Variants in PIGU observed in about 807,000 individuals in gnomAD.
The protein encoded by PIGU is phosphatidylinositol glycan anchor biosynthesis class U.
In PIGU, 24 loss-of-function variants were observed where a neutral mutation model predicts 49.9. The observed-to-expected ratio is 0.48, with a 90% CI of 0.35 to 0.68. The LOEUF is 0.68. PIGU is among the 30% of genes least tolerant of loss of function. The probability of loss-of-function intolerance (pLI) is 0.01; values close to 1 mark genes in which losing one functional copy is unlikely to be tolerated. For synonymous variants in PIGU, 220 were observed against 205.7 expected, an observed-to-expected ratio of 1.07 and a Z score of -0.59; for missense variants, 490 against 532.6, an observed-to-expected ratio of 0.92 and a Z score of 0.79.
intron 6 of PIGU, among the ~76,000 whole-genome samples, chr20:34,628,790 G>T (rs1488993448): frequency 6.6e-6 from 1 of 152,192 alleles, no homozygotes; most frequent in Non-Finnish European, 1.5e-5. Context: ...GGCAGAGGTT[G>T]CAATGAACTG....
At chr20:34,668,490 G>GT (rs1203487113) in intron 1 of PIGU, among the ~76,000 whole-genome samples, 1 of 139,096 alleles carries the variant, frequency 7.2e-6, no homozygotes, top group Non-Finnish European at 1.5e-5. Context: ...AAAAGGGGGG[G>GT]GCGGGCGTGC....
chr20:34,612,630 T>G (rs918545777), intron 7 of PIGU, among the ~76,000 whole-genome samples: 1 of 151,366 alleles, frequency 6.6e-6, no homozygotes, highest in Admixed American at 6.6e-5. Context: ...TTTTTTTTTT[T>G]TTTCTTTTTT....
intron 11 of PIGU, among the ~76,000 whole-genome samples, chr20:34,570,801 A>C (rs564374463): frequency 6.6e-6 from 1 of 152,340 alleles, no homozygotes; most frequent in East Asian, 1.9e-4. Context: ...TCTTTTAAAA[A>C]AGCTAAATTT....
intron 11 of PIGU, 27 bp from the exon 12 acceptor site, chr20:34,561,006 G>A (rs749476029): frequency 1.8e-5 from 27 of 1,506,556 alleles, no homozygotes; most frequent in Middle Eastern, 1.7e-4. Context: ...GGTGTGAGGC[G>A]CTGCTGGGTA....
chr20:34,569,678 A>T (rs371264011), intron 11 of PIGU, among the ~76,000 whole-genome samples: 2 of 152,234 alleles, frequency 1.3e-5, no homozygotes, highest in East Asian at 3.9e-4. Flanking sequence ...AATCCAGTAG[A>T]CTAGCCAGAG....
intron 2 of PIGU, among the ~76,000 whole-genome samples, chr20:34,647,406 C>G (rs145586450): frequency 6.6e-6 from 1 of 151,926 alleles, no homozygotes. Context: ...GGATTACAGC[C>G]GCGCGCCACC....
At chr20:34,578,395 C>G (rs1384645486) in intron 10 of PIGU, among the ~76,000 whole-genome samples, 1 of 152,170 alleles carries the variant, frequency 6.6e-6, no homozygotes, top group African/African-American at 2.4e-5. Context: ...TCCTCTAACC[C>G]AACATCACTA....
chr20:34,634,838 G>A, intron 5 of PIGU, 123 bp from the exon 6 acceptor site: 1 of 1,429,448 alleles, frequency 7.0e-7, no homozygotes. Context: ...TCTCAGAAAT[G>A]AGTTCCCCCA....
At chr20:34,650,710 T>C (rs1233508272) in intron 2 of PIGU, among the ~76,000 whole-genome samples, 3 of 90,468 alleles carry the variant, frequency 3.3e-5, no homozygotes, top group African/African-American at 1.3e-4. Context: ...CTTTTTTTTT[T>C]TTTTTTTTTT....
At chr20:34,565,614 C>T (rs1982715092) in intron 11 of PIGU, among the ~76,000 whole-genome samples, 1 of 152,034 alleles carries the variant, frequency 6.6e-6, no homozygotes, top group African/African-American at 2.4e-5. Context: ...TCTGTGTCCT[C>T]AGGTCTCTGG....
At chr20:34,676,924 GC>G in intron 1 of PIGU, 31 bp downstream of exon 1, 1 of 1,557,236 alleles carries the variant, frequency 6.4e-7, no homozygotes, top group Non-Finnish European at 8.7e-7. Flanking sequence ...GGCAGGTGGG[GC>G]CTGACAGTCT....
intron 2 of PIGU, among the ~76,000 whole-genome samples, chr20:34,645,549 T>C (rs757798478): frequency 3.3e-5 from 5 of 152,076 alleles, no homozygotes; most frequent in Non-Finnish European, 7.3e-5. Context: ...GGACTATCTG[T>C]TGAATTGAGT....
At chr20:34,607,310 C>A (rs1029586546) in intron 7 of PIGU, among the ~76,000 whole-genome samples, 2 of 152,142 alleles carry the variant, frequency 1.3e-5, no homozygotes, top group Non-Finnish European at 2.9e-5. Flanking sequence ...TCCAAAACCA[C>A]CCTGGCCTGG....
At chr20:34,634,489 T>G (rs1237768037) in intron 6 of PIGU, 126 bp downstream of exon 6, 2 of 1,346,300 alleles carry the variant, frequency 1.5e-6, no homozygotes, top group African/African-American at 3.0e-5. Context: ...GTATTACTTG[T>G]GTAATTTTTA....
At chr20:34,595,410 C>T (rs920280825) in intron 7 of PIGU, among the ~76,000 whole-genome samples, 1 of 152,090 alleles carries the variant, frequency 6.6e-6, no homozygotes, top group African/African-American at 2.4e-5. Flanking sequence ...AGAGGATATG[C>T]CTAGGTTATA....
At chr20:34,649,613 C>T (rs1224810733) in intron 2 of PIGU, among the ~76,000 whole-genome samples, 1 of 151,342 alleles carries the variant, frequency 6.6e-6, no homozygotes, top group African/African-American at 2.4e-5. Flanking sequence ...TTCCGCCTCC[C>T]AGGTTCAAGT....
intron 1 of PIGU, among the ~76,000 whole-genome samples, chr20:34,672,848 C>A (rs1225699967): frequency 4.1e-5 from 5 of 122,672 alleles, no homozygotes; most frequent in Non-Finnish European, 6.9e-5. Context: ...GAGTGGGACC[C>A]TGTCTCTCAA....
chr20:34,629,124 C>CT, intron 6 of PIGU, among the ~76,000 whole-genome samples: 1 of 151,714 alleles, frequency 6.6e-6, no homozygotes, highest in East Asian at 2.0e-4. Context: ...TCAAGCAATT[C>CT]TCTGCCTCAG....
chr20:34,638,708 A>G (rs1314800310), intron 4 of PIGU, among the ~76,000 whole-genome samples: 1 of 152,152 alleles, frequency 6.6e-6, no homozygotes, highest in Non-Finnish European at 1.5e-5. Flanking sequence ...GATGATCAAG[A>G]GGAGGAAAGC....
Sources: gnomAD v4.1 joint callset for allele counts (sites outside exome capture counted in the v4.1 genomes callset) on GRCh38, gnomAD v4.1.1 for gene constraint, MANE v1.5 for transcripts, NCBI Gene and HGNC (gene_info 2026-07-23, HGNC 2026-07-21) for gene names.